The following LOXHD1 variants were observed in gnomAD, a reference collection of about 807,000 sequenced individuals.
The protein encoded by LOXHD1 is lipoxygenase homology PLAT domains 1.
Under a neutral mutation model 248.2 loss-of-function variants are expected in LOXHD1, and 205 were observed. The ratio of observed to expected loss-of-function variants is 0.83; its 90% confidence interval spans 0.74 to 0.93. The LOEUF (loss-of-function observed/expected upper bound fraction) is 0.93. Among genes scored for constraint, LOXHD1 ranks in the 40% least tolerant of loss-of-function variants. The probability of loss-of-function intolerance (pLI) is 0.00; values close to 1 mark genes in which losing one functional copy is unlikely to be tolerated. For missense variants in LOXHD1, 2,930 were observed against 2,971.6 expected (o/e 0.99, Z 0.33); for synonymous variants, 1,113 against 1,162.8 (o/e 0.96, Z 0.87).
chr18:46,527,495 G>T (rs2144201277), intron 29 of LOXHD1, among the ~76,000 whole-genome samples: 1 of 152,208 alleles, frequency 6.6e-6, no homozygotes, highest in African/African-American at 2.4e-5. Flanking sequence ...TCTTTTTTAG[G>T]GTGGAGGAAA....
At chr18:46,511,481 G>T (rs774616077) in intron 34 of LOXHD1, among the ~76,000 whole-genome samples, 19 of 152,240 alleles carry the variant, frequency 1.2e-4, no homozygotes, top group Non-Finnish European at 2.1e-4. Context: ...TGCCCCTCAC[G>T]TCCTTCCTAT....
chr18:46,516,503 C>T (rs1049991210), intron 34 of LOXHD1, among the ~76,000 whole-genome samples: 1 of 152,162 alleles, frequency 6.6e-6, no homozygotes, highest in Non-Finnish European at 1.5e-5. Flanking sequence ...CCAGCTTGCA[C>T]GAGCTGCTCC....
At position 46,489,044 on chromosome 18, in the gene LOXHD1, C is replaced by T; in HGVS notation, c.5977G>A (p.Glu1993Lys). 1 of 1,551,720 alleles carries T rather than the reference C, an allele frequency of 6.4e-7. No homozygotes were observed. Among genetic ancestry groups the T allele is most frequent in the Non-Finnish European group, 8.7e-7 (1 of 1,146,994 alleles). The part of the protein sequence containing the change: ...FQCDCWLSKS[E>K]GDGQTVRDFA... ...TCGCGGACCGTCTGCCCGTCACCCT[C>T]ACTCTTGGAGAGCCAGCAGTCACAC... The change falls in exon 38 of 41, where the codon GAG becomes AAG. Residue 1993 changes from glutamate (E) to lysine (K), a missense_variant. By Grantham distance (56) the Glu-to-Lys change is moderately conservative. Transcript: ENST00000642948.
chr18:46,534,418 G>T lies in LOXHD1; in HGVS notation c.4129C>A (p.Arg1377=), dbSNP rs746252931. Residue 1377 remains arginine (R), a synonymous_variant, in exon 27 of 41, where the codon CGG becomes AGG. Coordinates refer to ENST00000642948, the MANE Select transcript of LOXHD1 (RefSeq NM_001384474.1). ...EDVGEIIEKI[R]IGHNNTGMNP... ...ATGCCCGTGTTATTATGGCCAATCC[G>T]AATTTTTTCAATGATTTCTCCCACA... The T allele has an allele frequency of 1.3e-6, 2 of 1,551,524 alleles. No homozygotes were observed. The highest frequency in any genetic ancestry group is 2.4e-5 in the East Asian group (1 of 40,936).
chr18:46,631,575 A>G (rs768932017), intron 4 of LOXHD1, among the ~76,000 whole-genome samples: 1 of 152,168 alleles, frequency 6.6e-6, no homozygotes, highest in Non-Finnish European at 1.5e-5. Context: ...TCGGGGTGGC[A>G]TGCAAAAAAG....
intron 28 of LOXHD1, 54 bp downstream of exon 28, chr18:46,533,108 G>A: frequency 6.5e-7 from 1 of 1,536,598 alleles, no homozygotes; most frequent in South Asian, 1.2e-5. Context: ...TGCTCAGGAG[G>A]ACCAGGGTCC....
intron 5 of LOXHD1, among the ~76,000 whole-genome samples, chr18:46,616,315 A>G (rs1202325127): frequency 1.3e-5 from 2 of 151,816 alleles, no homozygotes; most frequent in African/African-American, 4.8e-5. Context: ...TACTTTTACA[A>G]TTTTGATATG....
rs373575437 is a variant in LOXHD1 at position 46,582,233 on chromosome 18, A to C, written c.1655-2449T>G. Among the ~76,000 whole-genome samples the C allele has an allele frequency of 3.2e-3, 484 of 152,342 alleles. 2 individuals are homozygous for C. The highest frequency in any genetic ancestry group is 0.011 in the African/African-American group (466 of 41,576). ...ATAGAGCTGCACCACTAGTGAGTTTATAATATGTAAAGATGCAATTTATAT... is the reference window on the plus strand; with the variant it reads ...ATAGAGCTGCACCACTAGTGAGTTTCTAATATGTAAAGATGCAATTTATAT... On this transcript the variant is annotated intron_variant, in intron 12 of 40. Transcript: ENST00000642948.
At chr18:46,546,307 C>A (rs1598968622) in intron 22 of LOXHD1, among the ~76,000 whole-genome samples, 1 of 151,784 alleles carries the variant, frequency 6.6e-6, no homozygotes, top group African/African-American at 2.4e-5. Context: ...CCATTCCATT[C>A]TACTCCACTC....
At chr18:46,605,966 G>C (rs193099302) in intron 6 of LOXHD1, among the ~76,000 whole-genome samples, 71 of 152,320 alleles carry the variant, frequency 4.7e-4, no homozygotes, top group African/African-American at 1.6e-3. Flanking sequence ...TAAAGAATCA[G>C]AGGAGGGGCA....
intron 37 of LOXHD1, among the ~76,000 whole-genome samples, chr18:46,505,034 T>C (rs2034471169): frequency 1.3e-5 from 2 of 152,222 alleles, no homozygotes; most frequent in South Asian, 4.1e-4. Flanking sequence ...ATGAACGTCA[T>C]CACAGTTATA....
chr18:46,554,252 G>A (rs900388011), intron 21 of LOXHD1, among the ~76,000 whole-genome samples: 2 of 152,196 alleles, frequency 1.3e-5, no homozygotes, highest in African/African-American at 2.4e-5. Context: ...ATGGGCTGGG[G>A]ACAGGGCATG....
In LOXHD1 at chr18:46,557,551, C is replaced by A. The variant is rs185056221; in HGVS notation, c.3217-62G>T. ...CTACCCCTCCCCACATGGCCATCAGCCCCATCCTCCCAAGAACCAGGGCAG... is the reference window on the plus strand; with the variant it reads ...CTACCCCTCCCCACATGGCCATCAGACCCATCCTCCCAAGAACCAGGGCAG... On this transcript the variant is annotated intron_variant, in intron 20 of 40. Coordinates refer to ENST00000642948, the MANE Select transcript of LOXHD1 (RefSeq NM_001384474.1). 1.6e-3 allele frequency: 2,392 copies of A among 1,542,666 alleles called. 2 individuals are homozygous for A. Among genetic ancestry groups the A allele is most frequent in the Non-Finnish European group, 1.9e-3 (2,175 of 1,140,004 alleles).
intron 26 of LOXHD1, among the ~76,000 whole-genome samples, chr18:46,537,628 G>A (rs1263593297): frequency 6.6e-6 from 1 of 152,202 alleles, no homozygotes; most frequent in Admixed American, 6.5e-5. Context: ...TGACCTACAT[G>A]CACAGTAAAC....
intron 21 of LOXHD1, among the ~76,000 whole-genome samples, chr18:46,554,502 G>A (rs1244246182): frequency 1.3e-5 from 2 of 152,266 alleles, no homozygotes; most frequent in East Asian, 3.9e-4. Context: ...ATAATTTTTT[G>A]TCTAGCTCCC....
intron 34 of LOXHD1, among the ~76,000 whole-genome samples, chr18:46,515,231 G>C (rs1237211583): frequency 6.6e-6 from 1 of 152,148 alleles, no homozygotes; most frequent in Admixed American, 6.5e-5. Context: ...CATACCATTT[G>C]AAAGTATCAC....
intron 21 of LOXHD1, among the ~76,000 whole-genome samples, chr18:46,551,252 A>G (rs1008037027): frequency 4.0e-5 from 6 of 151,640 alleles, no homozygotes; most frequent in Non-Finnish European, 7.4e-5. Flanking sequence ...ACAGGCACTC[A>G]CCACCACGTC....
chr18:46,516,946 T>C (rs944266404), intron 34 of LOXHD1, among the ~76,000 whole-genome samples: 12 of 152,096 alleles, frequency 7.9e-5, no homozygotes, highest in African/African-American at 2.9e-4. Context: ...CCATCCTCAC[T>C]TATCATCCAC....
chr18:46,618,249 C>T lies in LOXHD1; in HGVS notation c.553G>A (p.Gly185Ser). Reference sequence around the variant, plus strand: ...AAGACATCAGCATCTGTCCCTGCACCAATTACATCACCAGTGTATACCTTG... The same window carrying T: ...AAGACATCAGCATCTGTCCCTGCACTAATTACATCACCAGTGTATACCTTG... ...EVKVYTGDVI[G>S]AGTDADVFIN... The change falls in exon 5 of 41, where the codon GGT (glycine) becomes AGT (serine). Residue 185 changes from glycine to serine, a missense_variant. Gly to Ser is a moderately conservative substitution (Grantham distance 56). Coordinates refer to ENST00000642948, the MANE Select transcript of LOXHD1 (RefSeq NM_001384474.1). 6.4e-7 allele frequency: 1 copy of T among 1,551,466 alleles called. No individual in the cohort carries two copies. Among genetic ancestry groups the T allele is most frequent in the South Asian group, 1.2e-5 (1 of 84,052 alleles).
Sources: gnomAD v4.1 joint callset for allele counts (sites outside exome capture counted in the v4.1 genomes callset) on GRCh38, gnomAD v4.1.1 for gene constraint, MANE v1.5 for transcripts, NCBI Gene and HGNC (gene_info 2026-07-23, HGNC 2026-07-21) for gene names.